The following NXPH1 variants were observed in gnomAD, a reference collection of about 807,000 sequenced individuals.
The protein encoded by NXPH1 is neurexophilin 1, also known as neurexophilin-1.
NXPH1 carries 5 observed loss-of-function variants against 23.7 expected under a neutral mutation model. That is an observed-to-expected ratio of 0.21 (90% CI 0.11 to 0.44). The LOEUF (loss-of-function observed/expected upper bound fraction) is 0.44. Among genes scored for constraint, NXPH1 ranks in the 20% least tolerant of loss-of-function variants. The pLI is 0.99. For synonymous variants in NXPH1, 144 were observed against 122.2 expected, an observed-to-expected ratio of 1.18 and a Z score of -1.18; for missense variants, 324 against 321.6, an observed-to-expected ratio of 1.01 and a Z score of -0.06.
At chr7:8,559,245 G>A (rs762653521) in intron 2 of NXPH1, among the ~76,000 whole-genome samples, 29 of 151,584 alleles carry the variant, frequency 1.9e-4, no homozygotes, top group East Asian at 1.4e-3. Context: ...GGCATGAGCC[G>A]CCACGCCCTG....
At chr7:8,510,786 A>C (rs1817599461) in intron 2 of NXPH1, among the ~76,000 whole-genome samples, 1 of 152,152 alleles carries the variant, frequency 6.6e-6, no homozygotes, top group South Asian at 2.1e-4. Context: ...TTATAGGTTC[A>C]AACTGAGGGA....
At chr7:8,554,636 A>T (rs1818327668) in intron 2 of NXPH1, among the ~76,000 whole-genome samples, 1 of 151,714 alleles carries the variant, frequency 6.6e-6, no homozygotes. Flanking sequence ...GGTAGAAAAG[A>T]GGCTCTAGAG....
At chr7:8,639,141 C>G (rs1208136491) in intron 2 of NXPH1, among the ~76,000 whole-genome samples, 1 of 152,126 alleles carries the variant, frequency 6.6e-6, no homozygotes, top group Non-Finnish European at 1.5e-5. Flanking sequence ...ACTAAAAAAT[C>G]ATATAAACTA....
At chr7:8,557,875 C>T (rs1818385591) in intron 2 of NXPH1, among the ~76,000 whole-genome samples, 1 of 151,674 alleles carries the variant, frequency 6.6e-6, no homozygotes, top group African/African-American at 2.4e-5. Context: ...TAAAGGCATA[C>T]AGAAAATCAA....
intron 2 of NXPH1, among the ~76,000 whole-genome samples, chr7:8,617,029 T>C (rs891689415): frequency 2.6e-5 from 4 of 152,010 alleles, no homozygotes; most frequent in Non-Finnish European, 5.9e-5. Flanking sequence ...AGAGCAGTGG[T>C]TCTCAACTGG....
intron 2 of NXPH1, among the ~76,000 whole-genome samples, chr7:8,641,940 G>C (rs1027661392): frequency 6.6e-6 from 1 of 152,146 alleles, no homozygotes; most frequent in Non-Finnish European, 1.5e-5. Context: ...ATGCCAGGGA[G>C]TTTACCTATA....
chr7:8,515,909 C>G (rs1200503228), intron 2 of NXPH1, among the ~76,000 whole-genome samples: 1 of 152,076 alleles, frequency 6.6e-6, no homozygotes, highest in East Asian at 1.9e-4. Context: ...TTACCTAACT[C>G]TAAATCTTCC....
At chr7:8,714,037 G>C (rs1188006368) in intron 2 of NXPH1, among the ~76,000 whole-genome samples, 5 of 152,174 alleles carry the variant, frequency 3.3e-5, no homozygotes, top group African/African-American at 1.2e-4. Context: ...AGCCAAACAA[G>C]GCCCTGGGTG....
At chr7:8,481,690 A>G (rs570801169) in intron 2 of NXPH1, among the ~76,000 whole-genome samples, 1 of 152,150 alleles carries the variant, frequency 6.6e-6, no homozygotes, top group African/African-American at 2.4e-5. Context: ...TTTTTATTTC[A>G]TTTTAGATTC....
intron 2 of NXPH1, among the ~76,000 whole-genome samples, chr7:8,657,992 C>T (rs571004830): frequency 3.1e-4 from 47 of 152,306 alleles, no homozygotes; most frequent in African/African-American, 1.1e-3. Flanking sequence ...CGTGCCACTG[C>T]ACTCCAGCCT....
intron 2 of NXPH1, among the ~76,000 whole-genome samples, chr7:8,587,373 A>C (rs568124038): frequency 1.3e-5 from 2 of 151,840 alleles, no homozygotes; most frequent in Non-Finnish European, 2.9e-5. Flanking sequence ...TATTTACTAC[A>C]GTGATCAGGG....
chr7:8,453,011 A>T (rs914790155), intron 2 of NXPH1, among the ~76,000 whole-genome samples: 1 of 152,152 alleles, frequency 6.6e-6, no homozygotes. Flanking sequence ...TAGTATCTGC[A>T]GGCCTCTGGC....
intron 2 of NXPH1, among the ~76,000 whole-genome samples, chr7:8,473,725 A>C (rs1816912406): frequency 6.7e-6 from 1 of 149,340 alleles, no homozygotes; most frequent in Non-Finnish European, 1.5e-5. Flanking sequence ...TAGACATCAG[A>C]ATGCTGTGTG....
In NXPH1 at chr7:8,751,782, G is replaced by T; in HGVS notation, c.*13G>T. On this transcript the variant is annotated 3_prime_UTR_variant, in exon 3 of 3. Coordinates refer to ENST00000405863, the MANE Select transcript of NXPH1 (RefSeq NM_152745.3). The surrounding 1 kb of genome is among the most constrained non-coding windows in gnomAD (Gnocchi z 4.5). ...TCCCTCGGGATGAAGGTGAACATGG[G>T]GGTGAGACTGAAGCCTGAGGAATTA... 6.3e-7 allele frequency: 1 copy of T among 1,597,242 alleles called. No individual in the cohort carries two copies. Among genetic ancestry groups the T allele is most frequent in the Non-Finnish European group, 8.5e-7 (1 of 1,172,600 alleles).
intron 2 of NXPH1, among the ~76,000 whole-genome samples, chr7:8,557,048 C>T (rs919521359): frequency 2.6e-5 from 4 of 151,688 alleles, no homozygotes; most frequent in Non-Finnish European, 4.4e-5. Flanking sequence ...CTTAACTCTC[C>T]TGTTTCCTAG....
intron 2 of NXPH1, among the ~76,000 whole-genome samples, chr7:8,438,181 A>G (rs1465589984): frequency 6.6e-6 from 1 of 152,264 alleles, no homozygotes; most frequent in Non-Finnish European, 1.5e-5. Context: ...AAAGAAGTAG[A>G]GAGCCTTGAT....
intron 2 of NXPH1, among the ~76,000 whole-genome samples, chr7:8,536,338 A>G (rs1380266485): frequency 2.0e-5 from 3 of 152,020 alleles, no homozygotes; most frequent in Admixed American, 6.6e-5. Flanking sequence ...TAGATTTTGG[A>G]GTGATAAGAA....
chr7:8,646,342 C>A (rs1006098194), intron 2 of NXPH1, among the ~76,000 whole-genome samples: 5 of 152,076 alleles, frequency 3.3e-5, no homozygotes, highest in African/African-American at 1.2e-4. Flanking sequence ...ATCCGACAAT[C>A]TTTTAAACTC....
At chr7:8,611,433 A>T (rs370891821) in intron 2 of NXPH1, among the ~76,000 whole-genome samples, 3 of 152,294 alleles carry the variant, frequency 2.0e-5, no homozygotes, top group South Asian at 2.1e-4. Context: ...CAAATCTCTG[A>T]AGAAATGAGC....
Sources: gnomAD v4.1 joint callset for allele counts (sites outside exome capture counted in the v4.1 genomes callset) on GRCh38, gnomAD v4.1.1 for gene constraint, Gnocchi (gnomAD v3.1) non-coding constraint, MANE v1.5 for transcripts, NCBI Gene and HGNC (gene_info 2026-07-23, HGNC 2026-07-21) for gene names.